FRMD5: variants seen among roughly 807,000 people sequenced by gnomAD.
FRMD5 encodes FERM domain containing 5.
Under a neutral mutation model 69.0 loss-of-function variants are expected in FRMD5, and 20 were observed. The ratio of observed to expected loss-of-function variants is 0.29; its 90% CI spans 0.20 to 0.42. The LOEUF (loss-of-function observed/expected upper bound fraction) is 0.42. Among genes scored for constraint, FRMD5 ranks in the 10% least tolerant of loss-of-function variants. The pLI is 1.00. For missense variants in FRMD5, 595 were observed against 708.6 expected (o/e 0.84, Z 1.82); for synonymous variants, 271 against 260.1 (o/e 1.04, Z -0.40).
intron 1 of FRMD5, among the ~76,000 whole-genome samples, chr15:43,981,499 GGA>G (rs2090548240): frequency 6.6e-6 from 1 of 152,194 alleles, no homozygotes; most frequent in Admixed American, 6.5e-5. Flanking sequence ...GGAGGTGGAA[GGA>G]GAGGCAGGAG....
At chr15:43,874,848 T>C (rs1283904483) in intron 13 of FRMD5, among the ~76,000 whole-genome samples, 1 of 151,864 alleles carries the variant, frequency 6.6e-6, no homozygotes, top group Non-Finnish European at 1.5e-5. Context: ...TGCAGTGAGC[T>C]GAGATCGCAC....
At chr15:43,919,207 C>A (rs1278666217) in intron 4 of FRMD5, 2 of 632,118 alleles carry the variant, frequency 3.2e-6, no homozygotes, top group East Asian at 6.8e-5. Flanking sequence ...CTCCAGAGCC[C>A]TTTGAGAGTG....
Position 44,176,462 on chromosome 15 carries a change from T to C in FRMD5, c.102+18491A>G, listed in dbSNP as rs368195416. ...AATACAGGTATAAACCTTCTTGACATTGGGTTAGGCAATGATTTCTTAGAT... is the reference window on the plus strand; with the variant it reads ...AATACAGGTATAAACCTTCTTGACACTGGGTTAGGCAATGATTTCTTAGAT... On this transcript the variant is annotated intron_variant, in intron 1 of 13. Coordinates refer to ENST00000417257, the MANE Select transcript of FRMD5 (RefSeq NM_032892.5). Among the ~76,000 whole-genome samples, 33 of 152,096 alleles carry C rather than the reference T, an allele frequency of 2.2e-4. 1 individual carries two copies. The East Asian group carries it at 4.0e-3, about 19-fold the overall frequency.
At chr15:43,945,981 G>C (rs2089940560) in intron 1 of FRMD5, among the ~76,000 whole-genome samples, 1 of 151,990 alleles carries the variant, frequency 6.6e-6, no homozygotes, top group African/African-American at 2.4e-5. Flanking sequence ...CTTAAACCCG[G>C]GAGGCGGAGG....
chr15:44,181,501 A>C (rs1452077989), intron 1 of FRMD5, among the ~76,000 whole-genome samples: 5 of 152,160 alleles, frequency 3.3e-5, no homozygotes, highest in Non-Finnish European at 7.3e-5. Context: ...TTAGCACTGA[A>C]ATTTAATTCA....
intron 10 of FRMD5, among the ~76,000 whole-genome samples, chr15:43,886,038 G>A (rs1431646916): frequency 6.6e-6 from 1 of 152,228 alleles, no homozygotes; most frequent in African/African-American, 2.4e-5. Flanking sequence ...GGGGGACTGA[G>A]AGAATACATG....
intron 1 of FRMD5, among the ~76,000 whole-genome samples, chr15:44,125,307 T>TAAA (rs1205855189): frequency 6.6e-6 from 1 of 151,358 alleles, no homozygotes; most frequent in Non-Finnish European, 1.5e-5. Context: ...CATCTCTTAA[T>TAAA]AATAATAATA....
At chr15:43,953,800 G>A (rs1595555529) in intron 1 of FRMD5, among the ~76,000 whole-genome samples, 1 of 152,302 alleles carries the variant, frequency 6.6e-6, no homozygotes, top group East Asian at 1.9e-4. Context: ...TAAGACTCTA[G>A]TAATAAAAAT....
intron 1 of FRMD5, among the ~76,000 whole-genome samples, chr15:44,052,774 T>C (rs1384277755): frequency 6.6e-6 from 1 of 152,186 alleles, no homozygotes; most frequent in Non-Finnish European, 1.5e-5. Flanking sequence ...TATAGAATCA[T>C]AGAATGTTAG....
chr15:44,165,194 G>A (rs1272822447), intron 1 of FRMD5, among the ~76,000 whole-genome samples: 2 of 152,308 alleles, frequency 1.3e-5, no homozygotes, highest in South Asian at 2.1e-4. Context: ...CAAGGCAGGC[G>A]GATCACCTGA....
chr15:43,993,435 C>T (rs1040571952), intron 1 of FRMD5, among the ~76,000 whole-genome samples: 21 of 152,244 alleles, frequency 1.4e-4, no homozygotes, highest in South Asian at 8.3e-4. Context: ...CCTCGTGATC[C>T]GCCCGCCTTG....
At chr15:44,123,488 G>A (rs746602860) in intron 1 of FRMD5, among the ~76,000 whole-genome samples, 12 of 152,128 alleles carry the variant, frequency 7.9e-5, no homozygotes, top group Non-Finnish European at 1.5e-4. Context: ...ATCACCACTT[G>A]GGAATTGTTG....
Position 43,905,837 on chromosome 15 carries a change from G to C in FRMD5, c.542C>G (p.Thr181Arg). The change falls in exon 6 of 14, where the codon ACG becomes AGG. Residue 181 changes from threonine (T) to arginine (R), a missense_variant. Coordinates refer to ENST00000417257, the MANE Select transcript of FRMD5 (RefSeq NM_032892.5). Reference protein sequence around the residue: ...LERKIAEIHKTELSGQTPATS... With the variant: ...LERKIAEIHKRELSGQTPATS... The stretch of plus-strand genomic sequence containing the variant: ...ATTAAGTGCCACGTACCTCAGTTCC[G>C]TCTTGTGAATCTCAGCAATTTTCCT... The C allele has an allele frequency of 6.2e-7, 1 of 1,614,170 alleles. No homozygotes were observed. Among genetic ancestry groups the C allele is most frequent in the Non-Finnish European group, 8.5e-7 (1 of 1,180,032 alleles).
intron 7 of FRMD5, among the ~76,000 whole-genome samples, chr15:43,893,008 A>G (rs1595489016): frequency 6.6e-6 from 1 of 151,910 alleles, no homozygotes. Flanking sequence ...GGAGGCTGAG[A>G]CAGGAGAATT....
intron 1 of FRMD5, among the ~76,000 whole-genome samples, chr15:44,113,488 T>C (rs1355198189): frequency 1.3e-5 from 2 of 152,248 alleles, no homozygotes; most frequent in Non-Finnish European, 2.9e-5. Flanking sequence ...GCATGCAATG[T>C]GTAATAATCA....
intron 1 of FRMD5, among the ~76,000 whole-genome samples, chr15:44,012,880 C>G (rs1364116756): frequency 6.6e-6 from 1 of 151,210 alleles, no homozygotes; most frequent in Non-Finnish European, 1.5e-5. Flanking sequence ...GATTCTCCTG[C>G]CTCAGCCTCC....
chr15:44,013,164 T>C (rs2140222815), intron 1 of FRMD5, among the ~76,000 whole-genome samples: 1 of 152,284 alleles, frequency 6.6e-6, no homozygotes, highest in South Asian at 2.1e-4. Context: ...TGAGGCAGGA[T>C]GACTGCTTGA....
At chr15:44,068,621 C>T (rs778425826) in intron 1 of FRMD5, among the ~76,000 whole-genome samples, 20 of 152,112 alleles carry the variant, frequency 1.3e-4, no homozygotes, top group Non-Finnish European at 2.5e-4. Context: ...AGAGTGACTG[C>T]TAATGGGTAC....
At chr15:44,002,991 C>G (rs534967690) in intron 1 of FRMD5, among the ~76,000 whole-genome samples, 1 of 152,100 alleles carries the variant, frequency 6.6e-6, no homozygotes, top group Non-Finnish European at 1.5e-5. Flanking sequence ...AAAGAATTCC[C>G]AAGTCATACC....
Sources: allele counts gnomAD v4.1 joint callset (sites outside exome capture counted in the v4.1 genomes callset), GRCh38; gene constraint gnomAD v4.1.1; transcripts MANE v1.5; gene names NCBI Gene and HGNC (gene_info 2026-07-23, HGNC 2026-07-21).